The following RPH3A variants were observed in gnomAD, a reference collection of about 807,000 sequenced individuals.
RPH3A encodes rabphilin-3A.
A neutral mutation model predicts 102.2 loss-of-function variants in RPH3A; 48 were observed. The ratio of observed to expected loss-of-function variants is 0.47; its 90% CI spans 0.37 to 0.60. The LOEUF (loss-of-function observed/expected upper bound fraction) is 0.60. RPH3A is among the 20% of genes least tolerant of loss of function. The pLI is 0.00. For missense variants in RPH3A, 781 were observed against 910.1 expected, an observed-to-expected ratio of 0.86 and a Z score of 1.83; for synonymous variants, 310 against 324.3, an observed-to-expected ratio of 0.96 and a Z score of 0.47.
At chr12:112,752,679 T>A (rs1359980937) in intron 1 of RPH3A, among the ~76,000 whole-genome samples, 4 of 151,426 alleles carry the variant, frequency 2.6e-5, no homozygotes, top group Non-Finnish European at 5.9e-5. Context: ...ATAACTAGAA[T>A]GTATACATAT....
At chr12:112,636,488 A>G (rs893329354) in intron 1 of RPH3A, among the ~76,000 whole-genome samples, 1 of 152,176 alleles carries the variant, frequency 6.6e-6, no homozygotes, top group Non-Finnish European at 1.5e-5. Flanking sequence ...GGTCTTCATG[A>G]TGGCTAGGGA....
chr12:112,618,720 C>T (rs2039699554), intron 1 of RPH3A, among the ~76,000 whole-genome samples: 1 of 151,776 alleles, frequency 6.6e-6, no homozygotes, highest in Admixed American at 6.6e-5. Flanking sequence ...ATTCTTATAC[C>T]ATACAATTTG....
intron 1 of RPH3A, among the ~76,000 whole-genome samples, chr12:112,745,392 T>A (rs2040737566): frequency 6.6e-6 from 1 of 152,240 alleles, no homozygotes; most frequent in Non-Finnish European, 1.5e-5. Flanking sequence ...CTAAATATAT[T>A]GCTATTTATC....
chr12:112,851,161 C>T (rs2042317174), intron 5 of RPH3A, among the ~76,000 whole-genome samples: 1 of 152,154 alleles, frequency 6.6e-6, no homozygotes, highest in Non-Finnish European at 1.5e-5. Context: ...ATGTGCTTAA[C>T]TCATTAACTG....
intron 1 of RPH3A, among the ~76,000 whole-genome samples, chr12:112,722,987 A>C (rs2040561249): frequency 6.6e-6 from 1 of 152,232 alleles, no homozygotes; most frequent in African/African-American, 2.4e-5. Context: ...CACACTTATT[A>C]GACACTAAGA....
At chr12:112,624,688 C>G (rs1306384677) in intron 1 of RPH3A, among the ~76,000 whole-genome samples, 2 of 145,222 alleles carry the variant, frequency 1.4e-5, no homozygotes, top group Non-Finnish European at 3.0e-5. Context: ...AAGAGGGAAT[C>G]CTCCCTAACT....
At chr12:112,807,781 C>T (rs985398369) in intron 2 of RPH3A, among the ~76,000 whole-genome samples, 1 of 152,140 alleles carries the variant, frequency 6.6e-6, no homozygotes, top group Non-Finnish European at 1.5e-5. Flanking sequence ...CCCACCTCTT[C>T]CAGATCTTTC....
chr12:112,738,635 G>GTGTT, intron 1 of RPH3A, among the ~76,000 whole-genome samples: 1 of 152,232 alleles, frequency 6.6e-6, no homozygotes, highest in East Asian at 1.9e-4. Flanking sequence ...GTGAGTGGTG[G>GTGTT]TGTTTTTTGT....
chr12:112,847,698 T>C lies in RPH3A; in HGVS notation c.86T>C (p.Leu29Pro), dbSNP rs775500905. The C allele has an allele frequency of 5.0e-6, 8 of 1,613,586 alleles. No homozygotes were observed. The Admixed American group carries it at 8.3e-5, about 17-fold the overall frequency. Residue 29 changes from leucine (L) to proline (P), a missense_variant and splice_region_variant, in exon 5 of 22, where the codon CTC (leucine) becomes CCC (proline). Coordinates refer to ENST00000389385, the MANE Select transcript of RPH3A (RefSeq NM_001143854.2). The part of the protein sequence containing the change: ...RPLQSNDKEQ[L>P]QAGWSVHPGG... ...CACCTTCCCAAATTTCCTTTCAGGC[T>C]CCAGGCAGGCTGGTCCGTCCACCCC...
intron 2 of RPH3A, among the ~76,000 whole-genome samples, chr12:112,819,366 C>T (rs1297265235): frequency 1.3e-5 from 2 of 152,060 alleles, no homozygotes; most frequent in East Asian, 1.9e-4. Flanking sequence ...CCTCAGCCTC[C>T]CCAAGGCTGG....
intron 1 of RPH3A, among the ~76,000 whole-genome samples, chr12:112,783,390 T>C (rs573341716): frequency 1.4e-3 from 206 of 152,218 alleles, no homozygotes; most frequent in Non-Finnish European, 2.5e-3. Context: ...ACATGCATAA[T>C]AGAAATAAAC....
intron 1 of RPH3A, among the ~76,000 whole-genome samples, chr12:112,628,206 G>A (rs1307564618): frequency 6.6e-6 from 1 of 152,098 alleles, no homozygotes; most frequent in Non-Finnish European, 1.5e-5. Flanking sequence ...GAGATCAGGA[G>A]AAAGTTCGAG....
chr12:112,788,590 A>C (rs148899955), upstream of RPH3A, among the ~76,000 whole-genome samples: 1 of 152,240 alleles, frequency 6.6e-6, no homozygotes, highest in African/African-American at 2.4e-5. Context: ...GTAGCTGTGA[A>C]GTGTGGGGAT....
chr12:112,683,548 C>T (rs1321569322), intron 1 of RPH3A, among the ~76,000 whole-genome samples: 1 of 152,232 alleles, frequency 6.6e-6, no homozygotes, highest in East Asian at 1.9e-4. Context: ...GAAGAGTGAA[C>T]TGAGGATACC....
At chr12:112,678,847 T>C (rs2040206270) in intron 1 of RPH3A, among the ~76,000 whole-genome samples, 1 of 152,162 alleles carries the variant, frequency 6.6e-6, no homozygotes, top group Non-Finnish European at 1.5e-5. Context: ...AAACTAAGAA[T>C]TGCAATTCTG....
At chr12:112,839,066 G>T (rs2042101365) in intron 4 of RPH3A, among the ~76,000 whole-genome samples, 1 of 143,076 alleles carries the variant, frequency 7.0e-6, no homozygotes, top group South Asian at 2.3e-4. Context: ...TGAGTCTCAG[G>T]CATCTGGGAA....
chr12:112,718,979 C>T (rs1396087741), intron 1 of RPH3A, among the ~76,000 whole-genome samples: 5 of 152,174 alleles, frequency 3.3e-5, no homozygotes, highest in Non-Finnish European at 2.9e-5. Flanking sequence ...GGTAAGGCTT[C>T]ATCTTGGAGA....
chr12:112,694,257 G>A (rs757899503), intron 1 of RPH3A, among the ~76,000 whole-genome samples: 1 of 152,190 alleles, frequency 6.6e-6, no homozygotes, highest in Non-Finnish European at 1.5e-5. Flanking sequence ...GGTGGAATTT[G>A]GTGGGAGGAT....
At chr12:112,578,533 G>A (rs2039374764) in intron 1 of RPH3A, among the ~76,000 whole-genome samples, 1 of 152,182 alleles carries the variant, frequency 6.6e-6, no homozygotes, top group Non-Finnish European at 1.5e-5. Flanking sequence ...TTGGGAGGTA[G>A]AACAGCCAGA....
Sources: gnomAD v4.1 joint callset for allele counts (sites outside exome capture counted in the v4.1 genomes callset) on GRCh38, gnomAD v4.1.1 for gene constraint, MANE v1.5 for transcripts, NCBI Gene and HGNC (gene_info 2026-07-23, HGNC 2026-07-21) for gene names.